Variants in DAB1 observed in about 807,000 individuals in gnomAD.
The protein encoded by DAB1 is DAB adaptor protein 1.
DAB1 carries 15 observed loss-of-function variants against 64.6 expected under a neutral mutation model. That is an observed-to-expected ratio of 0.23 (90% CI 0.16 to 0.36). The LOEUF (loss-of-function observed/expected upper bound fraction) is 0.36, where lower values mean the gene tolerates loss of function less well. Ranked by LOEUF, DAB1 falls within the 10% of genes least tolerant of loss-of-function variation. The pLI is 1.00. For synonymous variants in DAB1, 235 were observed against 251.9 expected (o/e 0.93, Z 0.64); for missense variants, 596 against 706.7 (o/e 0.84, Z 1.78).
chr1:57,562,506 T>A (rs1174583529), intron 7 of DAB1, among the ~76,000 whole-genome samples: 1 of 152,228 alleles, frequency 6.6e-6, no homozygotes, highest in Non-Finnish European at 1.5e-5. Flanking sequence ...CCTTTTGAAG[T>A]CACAGTTACA....
At chr1:57,999,560 TC>T in intron 5 of DAB1, among the ~76,000 whole-genome samples, 1 of 152,144 alleles carries the variant, frequency 6.6e-6, no homozygotes, top group Non-Finnish European at 1.5e-5. Context: ...CAAGAGCAAT[TC>T]TGCCCCCAGC....
chr1:57,934,191 C>T (rs546983070), intron 5 of DAB1, among the ~76,000 whole-genome samples: 16 of 151,950 alleles, frequency 1.1e-4, no homozygotes, highest in East Asian at 7.8e-4. Flanking sequence ...GCCCAAAGTG[C>T]GGGATTACAG....
intron 3 of DAB1, among the ~76,000 whole-genome samples, chr1:58,370,138 T>C (rs1244785041): frequency 6.6e-6 from 1 of 152,118 alleles, no homozygotes; most frequent in Admixed American, 6.5e-5. Flanking sequence ...AAGCAAAAAC[T>C]AGGAGCACTC....
At chr1:57,765,469 C>T (rs934370572) in intron 6 of DAB1, among the ~76,000 whole-genome samples, 4 of 152,160 alleles carry the variant, frequency 2.6e-5, no homozygotes, top group Non-Finnish European at 4.4e-5. Flanking sequence ...ACAAAATGCC[C>T]GCCTCTGAGG....
intron 6 of DAB1, among the ~76,000 whole-genome samples, chr1:57,674,918 A>T (rs777324504): frequency 6.6e-6 from 1 of 152,030 alleles, no homozygotes; most frequent in Non-Finnish European, 1.5e-5. Context: ...GCTTCACTAC[A>T]TTTTCCAGTC....
chr1:58,505,163 G>T (rs1007234995), intron 3 of DAB1, among the ~76,000 whole-genome samples: 7 of 152,136 alleles, frequency 4.6e-5, no homozygotes, highest in Non-Finnish European at 1.5e-5. Flanking sequence ...CGTTGGCCAG[G>T]CTGGTCTCGA....
intron 5 of DAB1, among the ~76,000 whole-genome samples, chr1:58,054,262 T>A (rs1324464018): frequency 6.6e-6 from 1 of 152,176 alleles, no homozygotes; most frequent in East Asian, 1.9e-4. Context: ...ACAGAATAAC[T>A]CCTATATCTA....
intron 3 of DAB1, among the ~76,000 whole-genome samples, chr1:58,377,294 G>C (rs1644337472): frequency 7.0e-6 from 1 of 143,706 alleles, no homozygotes; most frequent in African/African-American, 2.6e-5. Context: ...TTACATTTTG[G>C]CATGATTTTG....
At chr1:57,478,595 T>G (rs1643969793) in intron 7 of DAB1, among the ~76,000 whole-genome samples, 1 of 138,794 alleles carries the variant, frequency 7.2e-6, no homozygotes, top group Non-Finnish European at 1.6e-5. Flanking sequence ...TCTTTTTTTT[T>G]TTTTTTTTTT....
chr1:57,221,597 T>C (rs932926486), intron 2 of DAB1, among the ~76,000 whole-genome samples: 2 of 152,180 alleles, frequency 1.3e-5, no homozygotes, highest in Non-Finnish European at 2.9e-5. Flanking sequence ...ATGCATGACT[T>C]CTAGAGACCA....
At chr1:57,425,798 G>A (rs558343917), upstream of DAB1, among the ~76,000 whole-genome samples, 1 of 152,292 alleles carries the variant, frequency 6.6e-6, no homozygotes, top group Non-Finnish European at 1.5e-5. Flanking sequence ...GTGGGGAGCA[G>A]AGAAACTAGC....
chr1:57,847,990 A>G (rs852795), intron 1 of DAB1, among the ~76,000 whole-genome samples: 87,132 of 152,018 alleles, frequency 0.57, 25,089 homozygotes, highest in Admixed American at 0.64. Context: ...ACTGAAGAAC[A>G]AGGAGGCTAA....
chr1:57,691,122 C>T (rs547721597), intron 6 of DAB1, among the ~76,000 whole-genome samples: 4 of 152,030 alleles, frequency 2.6e-5, no homozygotes, highest in Non-Finnish European at 5.9e-5. Flanking sequence ...TTTCCTGGGT[C>T]GAGTGGGGAC....
intron 4 of DAB1, among the ~76,000 whole-genome samples, chr1:57,082,546 T>A (rs1305799657): frequency 6.6e-6 from 1 of 152,202 alleles, no homozygotes; most frequent in African/African-American, 2.4e-5. Flanking sequence ...AATTTAATTT[T>A]AAGTTCCAGG....
At chr1:57,633,377 T>C (rs1463048796) in intron 7 of DAB1, among the ~76,000 whole-genome samples, 1 of 152,228 alleles carries the variant, frequency 6.6e-6, no homozygotes, top group African/African-American at 2.4e-5. Context: ...GTTTCTTTAT[T>C]TCTAGTAAGT....
chr1:57,581,567 G>A (rs1398668463), intron 7 of DAB1, among the ~76,000 whole-genome samples: 1 of 151,886 alleles, frequency 6.6e-6, no homozygotes, highest in Non-Finnish European at 1.5e-5. Context: ...AGATAAAGAT[G>A]GTGGCACTGA....
At chr1:58,469,873 T>A (rs1645337075) in intron 3 of DAB1, among the ~76,000 whole-genome samples, 1 of 152,142 alleles carries the variant, frequency 6.6e-6, no homozygotes, top group Non-Finnish European at 1.5e-5. Context: ...TTAGAGAATT[T>A]TTAAAAATAA....
intron 5 of DAB1, among the ~76,000 whole-genome samples, chr1:57,962,725 A>T (rs981485974): frequency 1.3e-5 from 2 of 151,674 alleles, no homozygotes; most frequent in Non-Finnish European, 2.9e-5. Context: ...TTAGCCACAC[A>T]TGGTGGCATG....
In DAB1 at chr1:58,047,807, T is replaced by A. The variant is rs556037465; in HGVS notation, n.387+102704A>T. On this transcript the variant is annotated intron_variant and non_coding_transcript_variant, in intron 5 of 20. Transcript: ENST00000485760. ...CCAGTCAACAACTGTTTATCCGGCA[T>A]CCAAGAAAAAGGAAACATAAATAAC... 148 of 233,278 alleles carry A rather than the reference T, an allele frequency of 6.3e-4. 1 individual carries two copies. Among genetic ancestry groups the A allele is most frequent in the Non-Finnish European group, 9.4e-4 (112 of 118,858 alleles). The allele number at this position is 233,278 out of a possible 1,614,324, so 14.5% of individuals were successfully genotyped here.
Sources: gnomAD v4.1 joint callset for allele counts (sites outside exome capture counted in the v4.1 genomes callset) on GRCh38, gnomAD v4.1.1 for gene constraint, MANE v1.5 for transcripts, NCBI Gene and HGNC (gene_info 2026-07-23, HGNC 2026-07-21) for gene names.